ALDH7A1: variants seen among roughly 807,000 people sequenced by gnomAD.
The protein encoded by ALDH7A1 is aldehyde dehydrogenase 7 family member A1.
Under a neutral mutation model 79.9 loss-of-function variants are expected in ALDH7A1, and 63 were observed. The observed-to-expected ratio is 0.79, with a 90% CI of 0.64 to 0.97. The LOEUF (loss-of-function observed/expected upper bound fraction) is 0.97, where lower values mean the gene tolerates loss of function less well. Among genes scored for constraint, ALDH7A1 ranks in the 50% least tolerant of loss-of-function variants. ALDH7A1 has a pLI of 0.00. For missense variants in ALDH7A1, 627 were observed against 665.2 expected (o/e 0.94, Z 0.63); for synonymous variants, 240 against 231.2 (o/e 1.04, Z -0.34).
chr5:126,559,079 A>G lies in ALDH7A1; in HGVS notation c.1008+161T>C, dbSNP rs558579701. Among the ~76,000 whole-genome samples the G allele has an allele frequency of 7.2e-5, 11 of 152,372 alleles. No individual in the cohort carries two copies. The East Asian group carries it at 1.9e-3, about 27-fold the overall frequency. The stretch of plus-strand genomic sequence containing the variant: ...GCAAAGTCCCTGAATGATTAACAAC[A>G]TCTGCCATGAGCACAGAAAGAGAAC... On this transcript the variant is annotated intron_variant, in intron 11 of 17. Coordinates refer to ENST00000409134, the MANE Select transcript of ALDH7A1 (RefSeq NM_001182.5).
intron 9 of ALDH7A1, chr5:126,561,367 C>A: frequency 3.5e-6 from 1 of 288,838 alleles, no homozygotes; most frequent in South Asian, 8.0e-5. Context: ...TTAGTAACTA[C>A]TGTGGTTATA....
At position 126,556,043 on chromosome 5, in the gene ALDH7A1, T is replaced by C. The variant is rs149499548; in HGVS notation, c.1009-28A>G. Reference sequence around the variant, plus strand: ...AAACGAAAAAAGATATTCAAGGGCATAGTATGATAAATGCACACATTTTTA... The same window carrying C: ...AAACGAAAAAAGATATTCAAGGGCACAGTATGATAAATGCACACATTTTTA... On this transcript the variant is annotated intron_variant, in intron 11 of 17. Coordinates refer to ENST00000409134, the MANE Select transcript of ALDH7A1 (RefSeq NM_001182.5). The C allele has an allele frequency of 6.8e-4, 1,032 of 1,511,322 alleles. 7 individuals are homozygous for C. Among genetic ancestry groups the C allele is most frequent in the African/African-American group, 5.0e-3 (367 of 72,992 alleles). 93.6% of individuals were successfully genotyped at this position (1,511,322 alleles called of 1,614,324 possible). A position where few individuals can be genotyped will look rare whatever the true frequency, so the allele number is the denominator to read the frequency against.
At chr5:126,546,445 G>A (rs371614143) in intron 16 of ALDH7A1, 46 bp from the exon 17 acceptor site, 3 of 1,559,992 alleles carry the variant, frequency 1.9e-6, no homozygotes, top group African/African-American at 2.7e-5. Context: ...CAGTTTCCAT[G>A]TGGGCTCATA....
intron 1 of ALDH7A1, chr5:126,594,248 G>A (rs1046284209): frequency 4.2e-6 from 2 of 470,944 alleles, no homozygotes. Context: ...GCAAGATTTC[G>A]GCACGTCCAA....
At chr5:126,594,636 A>G (rs1751677188) in intron 1 of ALDH7A1, among the ~76,000 whole-genome samples, 1 of 151,506 alleles carries the variant, frequency 6.6e-6, no homozygotes, top group Non-Finnish European at 1.5e-5. Flanking sequence ...AGTAGAGACA[A>G]GGTTTCTCCA....
At chr5:126,560,620 T>C (rs80296136) in intron 10 of ALDH7A1, among the ~76,000 whole-genome samples, 8,804 of 147,424 alleles carry the variant, frequency 0.06, 854 homozygotes, top group African/African-American at 0.21. Context: ...TCTAAGCCTA[T>C]AGGTAAGTGA....
chr5:126,566,993 A>C (rs1750605138), intron 9 of ALDH7A1, among the ~76,000 whole-genome samples: 1 of 152,164 alleles, frequency 6.6e-6, no homozygotes, highest in African/African-American at 2.4e-5. Flanking sequence ...TTAAAAGCAA[A>C]ATTTATTCAA....
Position 126,595,019 on chromosome 5 carries a change from T to G in ALDH7A1, c.180A>C (p.Gly60=). 1.2e-6 allele frequency: 2 copies of G among 1,604,432 alleles called. No individual in the cohort carries two copies. The stretch of plus-strand genomic sequence containing the variant: ...AGCGCCCGCGTACCTCTCCCCGGCC[T>G]CCCCAGCTTCCATTATACACGCCCT... ...ENEGVYNGSW[G]GRGEVITTYC... is the part of the protein sequence containing the mutation. Residue 60 remains glycine, a synonymous_variant, in exon 1 of 18, where the codon GGA becomes GGC. Transcript: ENST00000409134.
rs1749705620 is a variant in ALDH7A1, at chr5:126,544,114, C to T, written c.*851G>A. On this transcript the variant is annotated 3_prime_UTR_variant, in exon 18 of 18. Transcript: ENST00000409134. ...CTGGGATTACAGGTGCCTGCCACCA[C>T]ACTGGGCTAATTTTTGTATTTTTTG... 6.6e-6 allele frequency: 1 copy of T among 152,160 alleles called. No homozygotes were observed. Among genetic ancestry groups the T allele is most frequent in the Non-Finnish European group, 1.5e-5 (1 of 68,106 alleles). The allele number at this position is 152,160 out of a possible 1,614,324, so 9.4% of individuals were successfully genotyped here. A position where few individuals can be genotyped will look rare whatever the true frequency, so the allele number is the denominator to read the frequency against.
In ALDH7A1 at chr5:126,561,132, G is replaced by GA. The variant is rs757596952; in HGVS notation, c.872-9dup. 1 of 1,605,754 alleles carries GA rather than the reference G, an allele frequency of 6.2e-7. No individual in the cohort carries two copies. The highest frequency in any genetic ancestry group is 1.1e-5 in the South Asian group (1 of 89,204). ...GTTCCAACAGACTTCTCCCTTAAAA[G>GA]AAAAAAATTATATATAAAAATTAAT... On this transcript the variant is annotated splice_polypyrimidine_tract_variant and intron_variant, in intron 9 of 17. Transcript: ENST00000409134.
chr5:126,545,097 A>G (rs372376229), intron 17 of ALDH7A1, 78 bp from the exon 18 acceptor site: 36 of 1,066,348 alleles, frequency 3.4e-5, no homozygotes, highest in East Asian at 2.2e-4. Context: ...AAAATGTAGC[A>G]GATCTGTATA....
chr5:126,576,966 A>T, intron 6 of ALDH7A1, 113 bp downstream of exon 6: 3 of 1,331,656 alleles, frequency 2.3e-6, no homozygotes, highest in Non-Finnish European at 3.2e-6. Context: ...TGAAGAAGCC[A>T]GGTGTGGTGA....
At chr5:126,567,247 T>TA (rs1750613522) in intron 9 of ALDH7A1, among the ~76,000 whole-genome samples, 1 of 152,184 alleles carries the variant, frequency 6.6e-6, no homozygotes, top group South Asian at 2.1e-4. Flanking sequence ...GACACAGCAG[T>TA]AGGGTGGACG....
intron 16 of ALDH7A1, chr5:126,549,385 T>C (rs1011340564): frequency 1.3e-5 from 2 of 152,584 alleles, no homozygotes; most frequent in African/African-American, 4.8e-5. Flanking sequence ...TTACTTTGGA[T>C]CATTTTTAAT....
At chr5:126,552,737 T>C (rs75791849) in intron 13 of ALDH7A1, among the ~76,000 whole-genome samples, 1 of 145,192 alleles carries the variant, frequency 6.9e-6, no homozygotes, top group Non-Finnish European at 1.5e-5. Flanking sequence ...TTGTTTTTGA[T>C]TTTTTTTTTT....
Position 126,543,391 on chromosome 5 carries a change from C to G in ALDH7A1, c.*1574G>C, listed in dbSNP as rs1189908750. ...ATTATCACTCCCACATACCCTCACC[C>G]ATGATTTCTTCCTGCCAACCTTCTC... On this transcript the variant is annotated 3_prime_UTR_variant, in exon 18 of 18. Transcript: ENST00000409134. The G allele has an allele frequency of 6.6e-6, 1 of 152,178 alleles. No homozygotes were observed. 9.4% of individuals were successfully genotyped at this position (152,178 alleles called of 1,614,324 possible).
chr5:126,569,437 C>T (rs1269174018), intron 8 of ALDH7A1: 2 of 152,144 alleles, frequency 1.3e-5, no homozygotes, highest in African/African-American at 2.4e-5. Context: ...CTGATTTGAA[C>T]CTCTTTCTTC....
rs1749673244 is a variant in ALDH7A1, at chr5:126,543,279, T to C, written c.*1686A>G. The C allele has an allele frequency of 6.6e-6, 1 of 152,180 alleles. No individual in the cohort carries two copies. Among genetic ancestry groups the C allele is most frequent in the Admixed American group, 6.5e-5 (1 of 15,282 alleles). 9.4% of individuals were successfully genotyped at this position (152,180 alleles called of 1,614,324 possible). On this transcript the variant is annotated 3_prime_UTR_variant, in exon 18 of 18. Transcript: ENST00000409134. ...ATTATAACCAAAAAAAATTGAGTCC[T>C]TGTGCTAGAAACATGTAGAAGAAAA... is the stretch of plus-strand genomic sequence containing the variant.
chr5:126,563,951 CTTGTT>C (rs556377762), intron 9 of ALDH7A1, among the ~76,000 whole-genome samples: 4 of 151,510 alleles, frequency 2.6e-5, no homozygotes, highest in Non-Finnish European at 4.4e-5. Flanking sequence ...CAACACCTGG[CTTGTT>C]TTGTTTTGTT....
Sources: allele counts gnomAD v4.1 joint callset (sites outside exome capture counted in the v4.1 genomes callset), GRCh38; gene constraint gnomAD v4.1.1; transcripts MANE v1.5; gene names NCBI Gene and HGNC (gene_info 2026-07-23, HGNC 2026-07-21).